The following CPQ variants were observed in gnomAD, a reference collection of about 807,000 sequenced individuals.
The protein encoded by CPQ is carboxypeptidase Q.
CPQ carries 37 observed loss-of-function variants against 45.7 expected under a neutral mutation model. The observed-to-expected ratio is 0.81, with a 90% CI of 0.62 to 1.07. The LOEUF is 1.07. Among genes scored for constraint, CPQ ranks in the 50% least tolerant of loss-of-function variants. CPQ has a pLI of 0.00. For missense variants in CPQ, 537 were observed against 572.9 expected, an observed-to-expected ratio of 0.94 and a Z score of 0.64; for synonymous variants, 186 against 205.8, an observed-to-expected ratio of 0.90 and a Z score of 0.82.
chr8:97,035,585 A>G (rs1266214649), intron 6 of CPQ, among the ~76,000 whole-genome samples: 1 of 152,116 alleles, frequency 6.6e-6, no homozygotes, highest in East Asian at 1.9e-4. Flanking sequence ...TATATTTTTC[A>G]AAGTACAGTT....
intron 1 of CPQ, among the ~76,000 whole-genome samples, chr8:96,692,905 T>A (rs893160317): frequency 7.2e-5 from 11 of 151,822 alleles, no homozygotes; most frequent in African/African-American, 2.7e-4. Flanking sequence ...TTTCAGAAAA[T>A]TCAAAATAGC....
intron 2 of CPQ, among the ~76,000 whole-genome samples, chr8:96,829,230 C>T (rs1472841715): frequency 6.6e-6 from 1 of 152,026 alleles, no homozygotes; most frequent in East Asian, 1.9e-4. Flanking sequence ...TTATTGTGCC[C>T]ATGGATTTTG....
At chr8:97,129,343 T>C (rs116671838) in intron 7 of CPQ, among the ~76,000 whole-genome samples, 2,287 of 152,130 alleles carry the variant, frequency 0.015, 66 homozygotes, top group African/African-American at 0.051. Flanking sequence ...GGCCTACACA[T>C]CCTCTCACCA....
chr8:96,956,768 G>A (rs1280910539), intron 4 of CPQ, among the ~76,000 whole-genome samples: 1 of 152,120 alleles, frequency 6.6e-6, no homozygotes, highest in Non-Finnish European at 1.5e-5. Flanking sequence ...TTTAATTTTT[G>A]CAACATCTCC....
At chr8:97,005,922 T>C (rs1029227513) in intron 5 of CPQ, among the ~76,000 whole-genome samples, 1 of 152,158 alleles carries the variant, frequency 6.6e-6, no homozygotes, top group Admixed American at 6.6e-5. Flanking sequence ...GAACCTAAAA[T>C]AAAAAAGATC....
chr8:96,796,089 T>A (rs1395754706), intron 2 of CPQ, among the ~76,000 whole-genome samples: 2 of 152,146 alleles, frequency 1.3e-5, no homozygotes, highest in Non-Finnish European at 2.9e-5. Flanking sequence ...TATATTTTGT[T>A]AAATTGTTTT....
chr8:96,706,078 G>A (rs1809527417), intron 1 of CPQ, among the ~76,000 whole-genome samples: 1 of 152,072 alleles, frequency 6.6e-6, no homozygotes, highest in African/African-American at 2.4e-5. Context: ...TTCCTAGGCT[G>A]AGGCAAACAG....
intron 4 of CPQ, among the ~76,000 whole-genome samples, chr8:96,884,414 C>T (rs904033055): frequency 8.5e-5 from 13 of 152,054 alleles, no homozygotes; most frequent in Non-Finnish European, 1.8e-4. Context: ...CATTTGATCT[C>T]AACATGGTGA....
At chr8:96,877,318 G>T (rs1281266825) in intron 3 of CPQ, among the ~76,000 whole-genome samples, 1 of 152,128 alleles carries the variant, frequency 6.6e-6, no homozygotes, top group Non-Finnish European at 1.5e-5. Context: ...CGTCTCCTCA[G>T]CTGAGCCATG....
rs777300915 is a variant in CPQ at position 97,143,036 on chromosome 8, T to C, written c.1272T>C (p.Asp424=). Reference sequence around the variant, plus strand: ...TATCCCCAGGAGCCAGTCTACTTGATGACTTATACAAGTATTTCTTCTTCC... The same window carrying C: ...TATCCCCAGGAGCCAGTCTACTTGACGACTTATACAAGTATTTCTTCTTCC... ...QAGVPGASLL[D]DLYKYFFFHH... is the part of the protein sequence containing the mutation. The change falls in exon 8 of 8, where the codon GAT becomes GAC. Residue 424 remains aspartate (D), a synonymous_variant. Coordinates refer to ENST00000220763, the MANE Select transcript of CPQ (RefSeq NM_016134.4). 3.0e-5 allele frequency: 49 copies of C among 1,613,852 alleles called. No homozygotes were observed. The highest frequency in any genetic ancestry group is 3.9e-5 in the Non-Finnish European group (46 of 1,179,784).
chr8:96,708,349 G>A (rs370267469), intron 1 of CPQ, among the ~76,000 whole-genome samples: 1 of 151,788 alleles, frequency 6.6e-6, no homozygotes, highest in African/African-American at 2.4e-5. Context: ...ATATTTTTGT[G>A]TGGGCCATTA....
At chr8:96,771,257 A>G (rs1306211590) in intron 1 of CPQ, among the ~76,000 whole-genome samples, 6 of 151,780 alleles carry the variant, frequency 4.0e-5, no homozygotes, top group Non-Finnish European at 4.4e-5. Flanking sequence ...TAGAGATTCT[A>G]TTGTGCTCTT....
intron 1 of CPQ, among the ~76,000 whole-genome samples, chr8:96,677,536 G>A (rs1052865868): frequency 2.6e-5 from 4 of 151,398 alleles, no homozygotes; most frequent in Admixed American, 1.3e-4. Context: ...TTTTTTGATG[G>A]TTTGTTTGAG....
intron 4 of CPQ, among the ~76,000 whole-genome samples, chr8:96,893,860 AT>A (rs577271667): frequency 3.3e-5 from 5 of 151,704 alleles, no homozygotes; most frequent in Admixed American, 2.0e-4. Context: ...ATATGTCCAC[AT>A]TTTTTTTTAA....
chr8:96,820,380 CA>C (rs1554570804), intron 2 of CPQ, among the ~76,000 whole-genome samples: 1 of 152,000 alleles, frequency 6.6e-6, no homozygotes, highest in Non-Finnish European at 1.5e-5. Context: ...CTAAAATATA[CA>C]TATATAATTT....
intron 2 of CPQ, among the ~76,000 whole-genome samples, chr8:96,794,761 ATACCC>A (rs1810903525): frequency 6.6e-6 from 1 of 152,146 alleles, no homozygotes; most frequent in African/African-American, 2.4e-5. Context: ...CTTCTGCCAG[ATACCC>A]TAAATCATCT....
Position 96,919,488 on chromosome 8 carries a change from A to G in CPQ, c.849+39483A>G, listed in dbSNP as rs188304768. On this transcript the variant is annotated intron_variant, in intron 4 of 7. Transcript: ENST00000220763. ...ACTTACTTAAATCTAAGAATTTGCT[A>G]CATTAATTGTAAACTAAAACCTCTG... Among the ~76,000 whole-genome samples the G allele has an allele frequency of 5.9e-5, 9 of 152,290 alleles. No homozygotes were observed. In the East Asian group the frequency reaches 1.2e-3, roughly 20 times the overall value.
chr8:96,953,331 C>T (rs1211022327), intron 4 of CPQ, among the ~76,000 whole-genome samples: 1 of 152,062 alleles, frequency 6.6e-6, no homozygotes, highest in East Asian at 1.9e-4. Context: ...CCATATTTGG[C>T]AGCTTATCCT....
At chr8:96,892,254 T>C (rs1025371240) in intron 4 of CPQ, among the ~76,000 whole-genome samples, 3 of 152,232 alleles carry the variant, frequency 2.0e-5, no homozygotes, top group Admixed American at 2.0e-4. Context: ...CCAAACCTGA[T>C]TGGCCTGGTG....
Sources: allele counts gnomAD v4.1 joint callset (sites outside exome capture counted in the v4.1 genomes callset), GRCh38; gene constraint gnomAD v4.1.1; transcripts MANE v1.5; gene names NCBI Gene and HGNC (gene_info 2026-07-23, HGNC 2026-07-21).